DLC1: variants seen among roughly 807,000 people sequenced by gnomAD.
The protein encoded by DLC1 is DLC1 Rho GTPase activating protein, also known as rho GTPase-activating protein 7.
In DLC1, 54 loss-of-function variants were observed where a neutral mutation model predicts 140.3. The ratio of observed to expected loss-of-function variants is 0.38; its 90% CI spans 0.31 to 0.48. The LOEUF is 0.48. Among genes scored for constraint, DLC1 ranks in the 20% least tolerant of loss-of-function variants. The probability of loss-of-function intolerance (pLI) is 0.96; values close to 1 mark genes in which losing one functional copy is unlikely to be tolerated. For synonymous variants in DLC1, 986 were observed against 728.1 expected (o/e 1.35, Z -5.70); for missense variants, 2,536 against 1,907.0 (o/e 1.33, Z -6.14).
At chr8:13,371,279 C>G (rs1586224716) in intron 4 of DLC1, among the ~76,000 whole-genome samples, 1 of 152,126 alleles carries the variant, frequency 6.6e-6, no homozygotes, top group Non-Finnish European at 1.5e-5. Context: ...ATTTCCAGAA[C>G]AGCCTTCAAA....
chr8:13,151,745 G>C (rs1303581658), intron 5 of DLC1, among the ~76,000 whole-genome samples: 1 of 152,124 alleles, frequency 6.6e-6, no homozygotes, highest in Non-Finnish European at 1.5e-5. Flanking sequence ...AAAACAAAAT[G>C]AAAATGATGT....
chr8:13,575,935 C>G (rs1005788814), intron 1 of DLC1, among the ~76,000 whole-genome samples: 16 of 152,162 alleles, frequency 1.1e-4, no homozygotes, highest in African/African-American at 3.9e-4. Flanking sequence ...GCAAGAGAGT[C>G]CCACAGTTAT....
chr8:13,122,302 G>C (rs1346929468), intron 5 of DLC1, among the ~76,000 whole-genome samples: 2 of 152,154 alleles, frequency 1.3e-5, no homozygotes, highest in Non-Finnish European at 2.9e-5. Flanking sequence ...ATGTAAGCTT[G>C]CTCCAGGCTT....
chr8:13,511,504 C>CAGTTGAAA (rs1226810977), intron 1 of DLC1, among the ~76,000 whole-genome samples: 1 of 152,120 alleles, frequency 6.6e-6, no homozygotes, highest in Non-Finnish European at 1.5e-5. Flanking sequence ...TGTAAACTAT[C>CAGTTGAAA]AGTTGAAAGC....
At chr8:13,423,534 A>G (rs1838413880) in intron 2 of DLC1, among the ~76,000 whole-genome samples, 1 of 152,166 alleles carries the variant, frequency 6.6e-6, no homozygotes, top group Non-Finnish European at 1.5e-5. Flanking sequence ...GAATTATAAT[A>G]CTAATTATAA....
intron 5 of DLC1, chr8:13,133,054 G>A (rs1322472501): frequency 2.2e-5 from 35 of 1,565,798 alleles, no homozygotes; most frequent in African/African-American, 1.4e-5. Context: ...TTCCGCGTCG[G>A]GACCCACGGC....
At chr8:13,136,606 C>G (rs935885185) in intron 5 of DLC1, among the ~76,000 whole-genome samples, 2 of 152,160 alleles carry the variant, frequency 1.3e-5, no homozygotes, top group African/African-American at 4.8e-5. Flanking sequence ...TCTGTGCATC[C>G]CACTGAGGAC....
chr8:13,192,314 T>G (rs1363336040), intron 5 of DLC1, among the ~76,000 whole-genome samples: 2 of 152,164 alleles, frequency 1.3e-5, no homozygotes, highest in East Asian at 3.9e-4. Context: ...TGTGCAATTT[T>G]GGGTGATGCC....
At chr8:13,355,298 C>A (rs935946429) in intron 4 of DLC1, among the ~76,000 whole-genome samples, 3 of 152,052 alleles carry the variant, frequency 2.0e-5, no homozygotes, top group African/African-American at 7.3e-5. Context: ...CCAGCCTAGC[C>A]AATATAACGA....
chr8:13,424,142 G>T (rs916413396), intron 2 of DLC1, among the ~76,000 whole-genome samples: 2 of 151,904 alleles, frequency 1.3e-5, no homozygotes, highest in Non-Finnish European at 2.9e-5. Flanking sequence ...CACAAACTTT[G>T]GAAATTAAAG....
chr8:13,394,689 A>G (rs888922755), intron 3 of DLC1, among the ~76,000 whole-genome samples: 8 of 152,144 alleles, frequency 5.3e-5, no homozygotes, highest in African/African-American at 1.9e-4. Context: ...ACATGGTCAA[A>G]TATCATGTCC....
intron 4 of DLC1, among the ~76,000 whole-genome samples, chr8:13,324,461 G>A (rs994608661): frequency 5.3e-5 from 8 of 151,712 alleles, no homozygotes; most frequent in South Asian, 2.1e-4. Flanking sequence ...CCAGCTACTC[G>A]GGAGGCTGAG....
chr8:13,092,550 G>A (rs1244391766), intron 13 of DLC1, 62 bp downstream of exon 13: 6 of 1,549,610 alleles, frequency 3.9e-6, no homozygotes, highest in Non-Finnish European at 5.3e-6. Context: ...CACAGCTACG[G>A]AGAGTCCTAG....
chr8:13,434,705 G>A (rs948688748), intron 2 of DLC1, among the ~76,000 whole-genome samples: 1 of 152,008 alleles, frequency 6.6e-6, no homozygotes, highest in African/African-American at 2.4e-5. Context: ...TCGAGACAGG[G>A]TCTCACTCTG....
rs149530154 is a variant in DLC1 at position 13,420,280 on chromosome 8, G to A, written c.1024-18661C>T. 1.1e-4 allele frequency among the ~76,000 whole-genome samples: 16 copies of A among 152,152 alleles called. No individual in the cohort carries two copies. The East Asian group carries it at 3.1e-3, about 29-fold the overall frequency. ...CCATTAATGCTGGAATGTAGTGTGT[G>A]TCTCCAAGGATTTTCTTATGTCCTC... is the stretch of plus-strand genomic sequence containing the variant. On this transcript the variant is annotated intron_variant, in intron 2 of 17. Coordinates refer to ENST00000276297, the MANE Select transcript of DLC1 (RefSeq NM_182643.3).
intron 5 of DLC1, among the ~76,000 whole-genome samples, chr8:13,227,560 G>T (rs1563181292): frequency 6.6e-6 from 1 of 152,148 alleles, no homozygotes; most frequent in Non-Finnish European, 1.5e-5. Flanking sequence ...CATTGATGTA[G>T]GGTCTATGGT....
At chr8:13,528,792 C>G (rs1013244866) in intron 1 of DLC1, among the ~76,000 whole-genome samples, 3 of 152,140 alleles carry the variant, frequency 2.0e-5, no homozygotes, top group African/African-American at 4.8e-5. Context: ...AGGACAAAAA[C>G]AACTCCACAT....
At chr8:13,287,822 C>T (rs191330074) in intron 5 of DLC1, among the ~76,000 whole-genome samples, 1 of 150,378 alleles carries the variant, frequency 6.6e-6, no homozygotes, top group African/African-American at 2.4e-5. Flanking sequence ...ATAAAACAGG[C>T]AATTTTGCCA....
intron 1 of DLC1, among the ~76,000 whole-genome samples, chr8:13,539,687 G>A (rs1803419631): frequency 6.6e-6 from 1 of 152,050 alleles, no homozygotes; most frequent in East Asian, 1.9e-4. Flanking sequence ...GTGCAGGTGG[G>A]CATGTTTGTA....
Sources: gnomAD v4.1 joint callset for allele counts (sites outside exome capture counted in the v4.1 genomes callset) on GRCh38, gnomAD v4.1.1 for gene constraint, MANE v1.5 for transcripts, NCBI Gene and HGNC (gene_info 2026-07-23, HGNC 2026-07-21) for gene names.